NKAIN2: variants seen among roughly 807,000 people sequenced by gnomAD.
The protein encoded by NKAIN2 is sodium/potassium transporting ATPase interacting 2.
A neutral mutation model predicts 32.6 loss-of-function variants in NKAIN2; 14 were observed. The observed-to-expected ratio is 0.43, with a 90% CI of 0.28 to 0.67. NKAIN2 has a LOEUF of 0.67. Among genes scored for constraint, NKAIN2 ranks in the 30% least tolerant of loss-of-function variants. The pLI is 0.17. For synonymous variants in NKAIN2, 80 were observed against 87.2 expected (o/e 0.92, Z 0.46); for missense variants, 198 against 258.3 (o/e 0.77, Z 1.60).
chr6:124,144,944 G>C (rs1197306141), intron 1 of NKAIN2, among the ~76,000 whole-genome samples: 1 of 152,104 alleles, frequency 6.6e-6, no homozygotes, highest in African/African-American at 2.4e-5. Context: ...ATAACATACA[G>C]TCCAGTTAGA....
chr6:124,232,176 T>C (rs1792497065), intron 1 of NKAIN2, among the ~76,000 whole-genome samples: 1 of 152,160 alleles, frequency 6.6e-6, no homozygotes, highest in South Asian at 2.1e-4. Context: ...TTCCCAGCCT[T>C]TTCTAAGCTT....
At chr6:124,235,537 A>G (rs950951103) in intron 1 of NKAIN2, among the ~76,000 whole-genome samples, 1 of 151,940 alleles carries the variant, frequency 6.6e-6, no homozygotes, top group Admixed American at 6.6e-5. Flanking sequence ...GAGGGAAAAT[A>G]TATATTTTTG....
chr6:124,617,006 AG>A (rs1460608701), intron 3 of NKAIN2, among the ~76,000 whole-genome samples: 1 of 152,222 alleles, frequency 6.6e-6, no homozygotes, highest in Non-Finnish European at 1.5e-5. Context: ...TTATAATGGA[AG>A]AAGACAGCCT....
At chr6:124,416,883 C>A (rs1006531663) in intron 3 of NKAIN2, among the ~76,000 whole-genome samples, 4 of 152,046 alleles carry the variant, frequency 2.6e-5, no homozygotes, top group Non-Finnish European at 5.9e-5. Flanking sequence ...CCTCTACAGA[C>A]CAGGATTTCA....
At chr6:124,796,106 C>G (rs1779985351) in intron 5 of NKAIN2, among the ~76,000 whole-genome samples, 1 of 152,096 alleles carries the variant, frequency 6.6e-6, no homozygotes, top group South Asian at 2.1e-4. Context: ...GACAGCAACC[C>G]TCAGAGCAGA....
At chr6:124,340,416 G>C (rs918300084) in intron 2 of NKAIN2, among the ~76,000 whole-genome samples, 1 of 151,960 alleles carries the variant, frequency 6.6e-6, no homozygotes, top group African/African-American at 2.4e-5. Flanking sequence ...TGCACGTAAA[G>C]GTTTCTTAAT....
chr6:124,179,085 G>T (rs1789307739), intron 1 of NKAIN2, among the ~76,000 whole-genome samples: 1 of 152,174 alleles, frequency 6.6e-6, no homozygotes, highest in Admixed American at 6.5e-5. Context: ...TTGTTAGCTT[G>T]CAAATATAAA....
At chr6:124,140,301 C>T (rs163286) in intron 1 of NKAIN2, among the ~76,000 whole-genome samples, 129,375 of 152,186 alleles carry the variant, frequency 0.85, 55,004 homozygotes, top group Admixed American at 0.89. Flanking sequence ...TTAATGACAG[C>T]TCTGTGAATG....
chr6:124,075,641 C>T (rs973994842), intron 1 of NKAIN2, among the ~76,000 whole-genome samples: 1 of 152,008 alleles, frequency 6.6e-6, no homozygotes. Context: ...TGTTGGCCAG[C>T]CTGGAATGCA....
chr6:124,512,256 C>A (rs1353780507), intron 3 of NKAIN2, among the ~76,000 whole-genome samples: 3 of 152,132 alleles, frequency 2.0e-5, no homozygotes, highest in Non-Finnish European at 4.4e-5. Flanking sequence ...CCAAATACAC[C>A]ATGGGGTGAT....
At chr6:124,505,896 G>T (rs1365778047) in intron 3 of NKAIN2, among the ~76,000 whole-genome samples, 1 of 152,052 alleles carries the variant, frequency 6.6e-6, no homozygotes, top group African/African-American at 2.4e-5. Context: ...TTCCCGGGCC[G>T]GGGGCGGTGG....
At chr6:124,158,460 G>T (rs896391285) in intron 1 of NKAIN2, among the ~76,000 whole-genome samples, 11 of 152,184 alleles carry the variant, frequency 7.2e-5, no homozygotes, top group African/African-American at 2.7e-4. Context: ...CAAATTAAAA[G>T]TATGACAGTA....
chr6:124,607,774 C>A (rs1443838662), intron 3 of NKAIN2, among the ~76,000 whole-genome samples: 1 of 151,970 alleles, frequency 6.6e-6, no homozygotes, highest in East Asian at 1.9e-4. Context: ...TACAATGGTA[C>A]AAAAATGATA....
At chr6:124,020,353 C>A (rs970999019) in intron 1 of NKAIN2, among the ~76,000 whole-genome samples, 1 of 152,112 alleles carries the variant, frequency 6.6e-6, no homozygotes, top group African/African-American at 2.4e-5. Context: ...TTATTGGATC[C>A]ATTCCCTTTG....
intron 1 of NKAIN2, among the ~76,000 whole-genome samples, chr6:123,839,098 G>A (rs1394213158): frequency 1.3e-5 from 2 of 152,256 alleles, no homozygotes; most frequent in East Asian, 3.9e-4. Flanking sequence ...CTTAGGGGGA[G>A]AGGGACTCTG....
chr6:124,763,595 C>T (rs898141233), intron 4 of NKAIN2, among the ~76,000 whole-genome samples: 1 of 152,196 alleles, frequency 6.6e-6, no homozygotes, highest in African/African-American at 2.4e-5. Flanking sequence ...TACAATTCAA[C>T]ATGAGATTTG....
intron 2 of NKAIN2, among the ~76,000 whole-genome samples, chr6:124,334,450 G>A (rs531337649): frequency 6.6e-6 from 1 of 152,018 alleles, no homozygotes; most frequent in Admixed American, 6.6e-5. Flanking sequence ...GGAGACTAAG[G>A]TTTCTTAAAG....
intron 4 of NKAIN2, among the ~76,000 whole-genome samples, chr6:124,673,471 A>G (rs528598047): frequency 6.6e-6 from 1 of 152,142 alleles, no homozygotes; most frequent in South Asian, 2.1e-4. Flanking sequence ...ATACTGTTAC[A>G]CCATTTTACA....
chr6:124,609,835 T>G (rs1263901913), intron 3 of NKAIN2, among the ~76,000 whole-genome samples: 2 of 152,170 alleles, frequency 1.3e-5, no homozygotes, highest in Non-Finnish European at 2.9e-5. Context: ...GGGGCCAGAC[T>G]GCCTGAATTT....
Sources: gnomAD v4.1 joint callset for allele counts (sites outside exome capture counted in the v4.1 genomes callset) on GRCh38, gnomAD v4.1.1 for gene constraint, MANE v1.5 for transcripts, NCBI Gene and HGNC (gene_info 2026-07-23, HGNC 2026-07-21) for gene names.